The following ZNF684 variants were observed in gnomAD, a reference collection of about 807,000 sequenced individuals.
ZNF684 encodes the protein hypothetical protein MGC27466.
In ZNF684, 13 loss-of-function variants were observed where a neutral mutation model predicts 12.8. The observed-to-expected ratio is 1.02, with a 90% CI of 0.66 to 1.62. The LOEUF (loss-of-function observed/expected upper bound fraction) is 1.62, where lower values mean the gene tolerates loss of function less well. Ranked by LOEUF, ZNF684 falls within the 40% of genes most tolerant of loss-of-function variation. ZNF684 has a pLI of 0.00. For synonymous variants in ZNF684, 118 were observed against 151.8 expected (o/e 0.78, Z 1.64); for missense variants, 384 against 446.9 (o/e 0.86, Z 1.27).
chr1:40,540,634 T>A lies in ZNF684; in HGVS notation c.64T>A (p.Trp22Arg). 1 of 1,612,442 alleles carries A rather than the reference T, an allele frequency of 6.2e-7. No homozygotes were observed. The change falls in exon 3 of 5, where the codon TGG becomes AGG. Residue 22 changes from tryptophan to arginine, a missense_variant. By Grantham distance (101) the Trp-to-Arg change is moderately radical. Transcript: ENST00000372699. ...DVAVDFTAEE[W>R]QLLDCAERTL... ...GGCTGTGGATTTCACTGCAGAGGAG[T>A]GGCAGCTGCTTGATTGTGCTGAGAG...
Position 40,547,412 on chromosome 1 carries a change from A to G in ZNF684, c.1089A>G (p.Ala363=), listed in dbSNP as rs779545921. 1.5e-5 allele frequency: 24 copies of G among 1,611,522 alleles called. No homozygotes were observed. The Admixed American group carries it at 4.0e-4, about 27-fold the overall frequency. Residue 363 remains alanine, a synonymous_variant, in exon 5 of 5, where the codon GCA becomes GCG. Transcript: ENST00000372699. ...ATGAATGTAACAGATGTGGGAAAGC[A>G]TTTTCCCAGAAGTCAAATCTTATTG... ...KPYECNRCGK[A]FSQKSNLIVH...
intron 2 of ZNF684, among the ~76,000 whole-genome samples, chr1:40,539,210 T>C (rs549812954): frequency 1.2e-4 from 19 of 152,158 alleles, no homozygotes; most frequent in African/African-American, 4.3e-4. Flanking sequence ...TTTGTATTTT[T>C]AGTAGAGACG....
chr1:40,543,987 TC>T (rs1206431517), intron 4 of ZNF684, among the ~76,000 whole-genome samples: 2 of 152,070 alleles, frequency 1.3e-5, no homozygotes, highest in Non-Finnish European at 2.9e-5. Context: ...AGGCCTGTTT[TC>T]TTTTTCTTTT....
chr1:40,540,392 C>A (rs963278005), intron 2 of ZNF684, among the ~76,000 whole-genome samples, 194 bp from the exon 3 acceptor site: 3 of 152,108 alleles, frequency 2.0e-5, no homozygotes, highest in African/African-American at 7.2e-5. Context: ...ACTGTTCTGG[C>A]ACCAGTTGGA....
At chr1:40,538,829 C>T (rs533857370) in intron 2 of ZNF684, among the ~76,000 whole-genome samples, 5 of 150,108 alleles carry the variant, frequency 3.3e-5, no homozygotes, top group African/African-American at 1.2e-4. Flanking sequence ...TCTCAAAAAA[C>T]AAACAAACAA....
intron 2 of ZNF684, among the ~76,000 whole-genome samples, chr1:40,539,987 A>G (rs1173219417): frequency 6.6e-6 from 1 of 151,914 alleles, no homozygotes; most frequent in South Asian, 2.1e-4. Flanking sequence ...TTTAAGAGTT[A>G]CTTATATATT....
chr1:40,537,259 G>A (rs1645990863), intron 2 of ZNF684, among the ~76,000 whole-genome samples: 2 of 152,140 alleles, frequency 1.3e-5, no homozygotes, highest in Admixed American at 1.3e-4. Context: ...CGTTTACTTT[G>A]TAGAGTCTAA....
intron 2 of ZNF684, 109 bp from the exon 3 acceptor site, chr1:40,540,477 T>C: frequency 2.5e-6 from 3 of 1,206,494 alleles, no homozygotes; most frequent in Non-Finnish European, 3.4e-6. Context: ...TAACTGATTT[T>C]CTACAAACTC....
intron 4 of ZNF684, among the ~76,000 whole-genome samples, chr1:40,543,678 G>A (rs771682753): frequency 3.3e-5 from 5 of 152,000 alleles, no homozygotes; most frequent in South Asian, 2.1e-4. Context: ...GGATGGTCTC[G>A]GTCTCCTGAC....
intron 2 of ZNF684, among the ~76,000 whole-genome samples, chr1:40,533,839 T>TTC (rs1645970339): frequency 6.6e-6 from 1 of 151,220 alleles, no homozygotes; most frequent in Admixed American, 6.6e-5. Context: ...TTTTTTTTTT[T>TTC]TTTTGAGACA....
At chr1:40,545,732 T>G (rs1458790230) in intron 4 of ZNF684, among the ~76,000 whole-genome samples, 1 of 151,952 alleles carries the variant, frequency 6.6e-6, no homozygotes, top group East Asian at 1.9e-4. Flanking sequence ...TAAAGGAAAC[T>G]GATACTGTGC....
In ZNF684 at chr1:40,546,727, C is replaced by A; in HGVS notation, c.404C>A (p.Ser135Ter). Residue 135 changes from serine to a stop codon, truncating the protein, a stop_gained, in exon 5 of 5, where the codon TCG becomes TAG. Transcript: ENST00000372699. LOFTEE classifies it low-confidence loss of function (END_TRUNC). ...CCAATGAGAAAAAAATCATATAAAT[C>A]GTTTGAGAAGTGTTTGCCACCTAAT... The part of the protein sequence containing the change: ...LNPMRKKSYK[S>*]FEKCLPPNLD... 6.2e-7 allele frequency: 1 copy of A among 1,613,802 alleles called. No individual in the cohort carries two copies. Among genetic ancestry groups the A allele is most frequent in the South Asian group, 1.1e-5 (1 of 90,960 alleles).
At chr1:40,536,637 A>G (rs980259990) in intron 2 of ZNF684, among the ~76,000 whole-genome samples, 20 of 143,728 alleles carry the variant, frequency 1.4e-4, no homozygotes, top group Admixed American at 4.9e-4. Context: ...AGCATTAGGT[A>G]TATCTCCCAA....
chr1:40,537,978 C>G (rs1336617438), intron 2 of ZNF684, among the ~76,000 whole-genome samples: 2 of 152,090 alleles, frequency 1.3e-5, no homozygotes, highest in African/African-American at 2.4e-5. Context: ...AATATGTAAT[C>G]TTTCATGACT....
Position 40,547,214 on chromosome 1 carries a change from A to G in ZNF684, c.891A>G (p.Lys297=). 1 of 1,614,158 alleles carries G rather than the reference A, an allele frequency of 6.2e-7. No homozygotes were observed. Among genetic ancestry groups the G allele is most frequent in the Non-Finnish European group, 8.5e-7 (1 of 1,180,026 alleles). ...YKHSRFHTGE[K]PYQCIICGKA... Reference sequence around the variant, plus strand: ...ATTCCAGATTTCATACAGGAGAGAAACCCTACCAGTGTATCATATGTGGCA... The same window carrying G: ...ATTCCAGATTTCATACAGGAGAGAAGCCCTACCAGTGTATCATATGTGGCA... Residue 297 remains lysine, a synonymous_variant, in exon 5 of 5, where the codon AAA becomes AAG. Coordinates refer to ENST00000372699, the MANE Select transcript of ZNF684 (RefSeq NM_152373.4).
Position 40,533,172 on chromosome 1 carries a change from C to T in ZNF684, c.6C>T (p.Ile2=), listed in dbSNP as rs755083211. Residue 2 remains isoleucine, a synonymous_variant, in exon 2 of 5, where the codon ATC becomes ATT. Transcript: ENST00000372699. M[I]SFQESVTFQD... is the part of the protein sequence containing the mutation. ...CTGTGTAAGAGCTGCAGAAAATGAT[C>T]AGCTTCCAGGTAAGGTATCCATCTA... 2 of 1,613,348 alleles carry T rather than the reference C, an allele frequency of 1.2e-6. No homozygotes were observed. The highest frequency in any genetic ancestry group is 2.2e-5 in the South Asian group (2 of 90,986).
At chr1:40,534,639 T>A (rs1344109612) in intron 2 of ZNF684, among the ~76,000 whole-genome samples, 1 of 152,180 alleles carries the variant, frequency 6.6e-6, no homozygotes, top group East Asian at 1.9e-4. Flanking sequence ...CTATTGAGAA[T>A]GAGGTAGGCC....
rs1478066948 is a variant in ZNF684 at position 40,546,625 on chromosome 1, A to G, written c.302A>G (p.Lys101Arg). 6.3e-7 allele frequency: 1 copy of G among 1,590,994 alleles called. No homozygotes were observed. The highest frequency in any genetic ancestry group is 1.8e-5 in the Admixed American group (1 of 54,290). The change falls in exon 5 of 5, where the codon AAG becomes AGG. Residue 101 changes from lysine to arginine, a missense_variant. By Grantham distance (26) the Lys-to-Arg change is conservative (BLOSUM62 2). Transcript: ENST00000372699. ...CGGGAAAGCAAAGACAATTTTTTGA[A>G]GTCAGTTTTGCTCACATTCAATAAA... ...KHRESKDNFL[K>R]SVLLTFNKIL...
At chr1:40,536,375 CAG>C (rs1645985192) in intron 2 of ZNF684, among the ~76,000 whole-genome samples, 2 of 129,810 alleles carry the variant, frequency 1.5e-5, no homozygotes, top group African/African-American at 5.9e-5. Flanking sequence ...GGCTGGGTGA[CAG>C]AGCGAGACTC....
Sources: gnomAD v4.1 joint callset for allele counts (sites outside exome capture counted in the v4.1 genomes callset) on GRCh38, gnomAD v4.1.1 for gene constraint, MANE v1.5 for transcripts, NCBI Gene and HGNC (gene_info 2026-07-23, HGNC 2026-07-21) for gene names.